ATP9B: variants seen among roughly 807,000 people sequenced by gnomAD.
The protein encoded by ATP9B is probable phospholipid-transporting ATPase IIB.
In ATP9B, 110 loss-of-function variants were observed where a neutral mutation model predicts 146.1. The ratio of observed to expected loss-of-function variants is 0.75; its 90% CI spans 0.65 to 0.88. The LOEUF (loss-of-function observed/expected upper bound fraction) is 0.88, where lower values mean the gene tolerates loss of function less well. ATP9B is among the 40% of genes least tolerant of loss of function. The pLI is 0.00. For synonymous variants in ATP9B, 604 were observed against 569.7 expected, an observed-to-expected ratio of 1.06 and a Z score of -0.86; for missense variants, 1,499 against 1,496.4, an observed-to-expected ratio of 1.00 and a Z score of -0.03.
intron 11 of ATP9B, among the ~76,000 whole-genome samples, chr18:79,242,599 G>C (rs1333093289): frequency 6.6e-6 from 1 of 152,190 alleles, no homozygotes; most frequent in Non-Finnish European, 1.5e-5. Flanking sequence ...GTGTCAACTT[G>C]CTCTAGTTTC....
Position 79,173,413 on chromosome 18 carries a change from A to T in ATP9B, c.779-3400A>T, listed in dbSNP as rs113573692. Among the ~76,000 whole-genome samples the T allele has an allele frequency of 6.9e-3, 1,021 of 147,858 alleles. 10 individuals are homozygous for T. Among genetic ancestry groups the T allele is most frequent in the Non-Finnish European group, 0.011 (761 of 67,312 alleles). ...ACTCATCTTCCAGCCCTGTGCCCTGAGGATTTCTTCTTGTGGTGGTTTTTT... is the reference window on the plus strand; with the variant it reads ...ACTCATCTTCCAGCCCTGTGCCCTGTGGATTTCTTCTTGTGGTGGTTTTTT... On this transcript the variant is annotated intron_variant, in intron 7 of 29. Transcript: ENST00000426216.
chr18:79,347,997 T>G (rs2096900106), intron 24 of ATP9B, 72 bp downstream of exon 24: 2 of 1,604,048 alleles, frequency 1.2e-6, no homozygotes, highest in Non-Finnish European at 1.7e-6. Flanking sequence ...AAGGGCAGGG[T>G]CCGGGAGTGG....
At chr18:79,159,234 G>A (rs2094841235) in intron 7 of ATP9B, among the ~76,000 whole-genome samples, 1 of 152,146 alleles carries the variant, frequency 6.6e-6, no homozygotes, top group African/African-American at 2.4e-5. Context: ...GCTTTAGTTA[G>A]GAAAATTCAC....
At chr18:79,371,249 A>G (rs1279880220) in intron 26 of ATP9B, among the ~76,000 whole-genome samples, 1 of 151,846 alleles carries the variant, frequency 6.6e-6, no homozygotes, top group South Asian at 2.1e-4. Flanking sequence ...GCAGGCGCCT[A>G]TAGTCCCAGC....
chr18:79,210,339 A>G (rs551348802), intron 10 of ATP9B, among the ~76,000 whole-genome samples: 7 of 152,354 alleles, frequency 4.6e-5, no homozygotes, highest in Middle Eastern at 3.4e-3. Flanking sequence ...GTCAGAGGGC[A>G]ATCCCTGGCC....
intron 13 of ATP9B, among the ~76,000 whole-genome samples, chr18:79,279,559 AG>A (rs2096354184): frequency 1.3e-5 from 2 of 152,238 alleles, no homozygotes; most frequent in Admixed American, 6.5e-5. Flanking sequence ...CATATGTATG[AG>A]TTTAATATCT....
At chr18:79,199,872 G>A (rs755935734) in intron 9 of ATP9B, among the ~76,000 whole-genome samples, 3 of 152,100 alleles carry the variant, frequency 2.0e-5, no homozygotes, top group Admixed American at 1.3e-4. Flanking sequence ...CCTGCTGGAA[G>A]ATCTCCACGT....
intron 11 of ATP9B, among the ~76,000 whole-genome samples, chr18:79,225,074 T>C (rs182322679): frequency 7.6e-4 from 116 of 152,358 alleles, no homozygotes; most frequent in Non-Finnish European, 1.4e-3. Context: ...TGAATGATTT[T>C]CCTTAAGGCA....
chr18:79,200,325 T>A (rs1313393843), intron 9 of ATP9B, among the ~76,000 whole-genome samples: 1 of 152,314 alleles, frequency 6.6e-6, no homozygotes, highest in East Asian at 1.9e-4. Flanking sequence ...CTGTTAGAAC[T>A]TCAAGGAGAA....
At chr18:79,295,006 A>G (rs1397630976) in intron 13 of ATP9B, among the ~76,000 whole-genome samples, 1 of 152,182 alleles carries the variant, frequency 6.6e-6, no homozygotes, top group Admixed American at 6.5e-5. Flanking sequence ...AATATCTTTC[A>G]AATTTACATA....
At chr18:79,248,520 C>T (rs994512875) in intron 11 of ATP9B, among the ~76,000 whole-genome samples, 1 of 152,108 alleles carries the variant, frequency 6.6e-6, no homozygotes, top group East Asian at 1.9e-4. Flanking sequence ...GGTCCAAATT[C>T]GAAATGAAGA....
chr18:79,236,452 G>C (rs974241524), intron 11 of ATP9B, among the ~76,000 whole-genome samples: 2 of 151,940 alleles, frequency 1.3e-5, no homozygotes, highest in East Asian at 3.9e-4. Context: ...GCAACTCTCA[G>C]TTGTAACATT....
chr18:79,258,071 A>C (rs1475498793), intron 12 of ATP9B, among the ~76,000 whole-genome samples: 1 of 152,240 alleles, frequency 6.6e-6, no homozygotes, highest in Non-Finnish European at 1.5e-5. Context: ...TCCAGTTGCC[A>C]AGAAAAATTA....
rs199794380 is a variant in ATP9B, at chr18:79,201,873, TAA to T, written c.955-5058_955-5057del. ...TGTGCCCAGCCCCTGATTTCTGATTTAAAAAAATTTTTTTTTTAATTAGCCTA... is the reference window on the plus strand; with the variant it reads ...TGTGCCCAGCCCCTGATTTCTGATTTAAAAATTTTTTTTTTAATTAGCCTA... On this transcript the variant is annotated intron_variant, in intron 9 of 29. Transcript: ENST00000426216. Among the ~76,000 whole-genome samples, 363 of 152,068 alleles carry T rather than the reference TAA, an allele frequency of 2.4e-3. 2 individuals are homozygous for T. The highest frequency in any genetic ancestry group is 6.4e-3 in the South Asian group (31 of 4,810).
At chr18:79,369,446 T>G (rs2097055910) in intron 26 of ATP9B, among the ~76,000 whole-genome samples, 1 of 141,464 alleles carries the variant, frequency 7.1e-6, no homozygotes, top group African/African-American at 2.7e-5. Context: ...GGTAGGAGAA[T>G]GGCGTGAACC....
At chr18:79,244,622 T>C (rs73000575) in intron 11 of ATP9B, among the ~76,000 whole-genome samples, 19,945 of 152,144 alleles carry the variant, frequency 0.13, 1,509 homozygotes, top group African/African-American at 0.21. Context: ...CAGCAACATA[T>C]TTTGTAAATT....
intron 7 of ATP9B, among the ~76,000 whole-genome samples, chr18:79,158,502 A>T (rs1207007152): frequency 6.6e-6 from 1 of 152,108 alleles, no homozygotes; most frequent in Non-Finnish European, 1.5e-5. Context: ...TGTGTTGCCC[A>T]GGCTGGTCTT....
chr18:79,331,819 TC>T (rs2096791519), intron 17 of ATP9B, among the ~76,000 whole-genome samples: 1 of 152,198 alleles, frequency 6.6e-6, no homozygotes, highest in African/African-American at 2.4e-5. Context: ...ATAGTGATGT[TC>T]CGGATAGCTG....
intron 9 of ATP9B, among the ~76,000 whole-genome samples, chr18:79,204,844 CT>C (rs1162258860): frequency 1.3e-5 from 2 of 152,140 alleles, no homozygotes; most frequent in Non-Finnish European, 2.9e-5. Flanking sequence ...CTTGTGCCTA[CT>C]GAGATCATAT....
Sources: gnomAD v4.1 joint callset for allele counts (sites outside exome capture counted in the v4.1 genomes callset) on GRCh38, gnomAD v4.1.1 for gene constraint, MANE v1.5 for transcripts, NCBI Gene and HGNC (gene_info 2026-07-23, HGNC 2026-07-21) for gene names.